Variants in C5orf63 observed in about 807,000 individuals in gnomAD.
C5orf63 encodes glutaredoxin-like protein C5orf63.
Under a neutral mutation model 13.3 loss-of-function variants are expected in C5orf63, and 18 were observed. That is an observed-to-expected ratio of 1.36 (90% CI 0.94 to 2.01). The LOEUF is 2.01. C5orf63 is among the 30% of genes most tolerant of loss of function. C5orf63 has a pLI of 0.00. For missense variants in C5orf63, 118 were observed against 127.7 expected (o/e 0.92, Z 0.36); for synonymous variants, 38 against 44.7 (o/e 0.85, Z 0.60).
chr5:127,063,510 C>T (rs1754187538), intron 2 of C5orf63, among the ~76,000 whole-genome samples: 1 of 152,124 alleles, frequency 6.6e-6, no homozygotes, highest in African/African-American at 2.4e-5. Context: ...GAGAAACTGC[C>T]CTTCACCGAC....
chr5:127,043,747 T>C (rs988016818), downstream of C5orf63: 2 of 152,226 alleles, frequency 1.3e-5, no homozygotes, highest in Admixed American at 1.3e-4. Flanking sequence ...ATTTTCTCTT[T>C]GTAGCATTAA....
chr5:127,059,767 T>C (rs1192281346), intron 2 of C5orf63, among the ~76,000 whole-genome samples: 2 of 149,166 alleles, frequency 1.3e-5, no homozygotes, highest in Non-Finnish European at 1.5e-5. Context: ...AAACAATGGG[T>C]AAGCAGCTAA....
In C5orf63 at chr5:127,064,216, A is replaced by G. The variant is rs554076941; in HGVS notation, c.-7-5214T>C. Among the ~76,000 whole-genome samples the G allele has an allele frequency of 2.0e-5, 3 of 152,312 alleles. No individual in the cohort carries two copies. The East Asian group carries it at 5.8e-4, about 29-fold the overall frequency. ...GGGACAAAACCAAAACTGAAAATTG[A>G]GTAAATACTTTGATATGTCAATTCC... On this transcript the variant is annotated intron_variant, in intron 2 of 4. Transcript: ENST00000296662.
At chr5:127,065,925 G>A (rs534838655) in intron 2 of C5orf63, among the ~76,000 whole-genome samples, 1 of 152,112 alleles carries the variant, frequency 6.6e-6, no homozygotes, top group Admixed American at 6.5e-5. Flanking sequence ...GCCTTCATGG[G>A]GTCCATGTGC....
In C5orf63 at chr5:127,070,645, C is replaced by G. The variant is rs149493197; in HGVS notation, c.-8+939G>C. Among the ~76,000 whole-genome samples the G allele has an allele frequency of 2.6e-5, 4 of 152,266 alleles. No homozygotes were observed. The East Asian group carries it at 7.7e-4, about 29-fold the overall frequency. ...TTAAGATAGTGACTCTACAGAGGTC[C>G]TCTATCCTTAAGGCAAGACCAAACC... On this transcript the variant is annotated intron_variant, in intron 2 of 4. Transcript: ENST00000296662.
downstream of C5orf63, chr5:127,051,182 C>A (rs1753659896): frequency 1.8e-6 from 1 of 549,458 alleles, no homozygotes; most frequent in African/African-American, 2.0e-5. Context: ...TTAAGTTTTT[C>A]TTTTGTTTTT....
rs557864578 is a variant in C5orf63 at position 127,052,485 on chromosome 5, A to G, written c.171+128T>C. 267 of 648,312 alleles carry G rather than the reference A, an allele frequency of 4.1e-4. 1 individual carries two copies. Among genetic ancestry groups the G allele is most frequent in the Middle Eastern group, 1.3e-3 (5 of 3,762 alleles). The allele number at this position is 648,312 out of a possible 1,614,324, so 40.2% of individuals were successfully genotyped here. On this transcript the variant is annotated intron_variant, in intron 4 of 4. Transcript: ENST00000296662. ...AATAAGCACTAAACTCTCTCTCTGA[A>G]GAACAGAAAGAAAATTTAAAAGAAA...
At chr5:127,055,701 G>C (rs2126886190) in intron 3 of C5orf63, among the ~76,000 whole-genome samples, 1 of 152,198 alleles carries the variant, frequency 6.6e-6, no homozygotes, top group East Asian at 1.9e-4. Context: ...TTCAGAGAAA[G>C]TTTCAAAAAC....
intron 3 of C5orf63, chr5:127,056,311 T>C (rs1753883781): frequency 6.6e-6 from 1 of 152,418 alleles, no homozygotes; most frequent in Non-Finnish European, 1.5e-5. Context: ...CAGTCATCCA[T>C]GATGAATTAG....
intron 2 of C5orf63, among the ~76,000 whole-genome samples, chr5:127,069,108 T>C (rs1047600692): frequency 6.6e-6 from 1 of 152,172 alleles, no homozygotes; most frequent in African/African-American, 2.4e-5. Flanking sequence ...ACCTGAATAA[T>C]GTGGTTGGGT....
intron 3 of C5orf63, 179 bp downstream of exon 3, chr5:127,058,703 C>A: frequency 1.8e-6 from 1 of 567,380 alleles, no homozygotes; most frequent in South Asian, 2.4e-5. Flanking sequence ...TTACTCTTTG[C>A]TAATTGGGAG....
chr5:127,051,676 C>CAAAA lies in C5orf63; in HGVS notation c.*94_*95insTTTT. The CAAAA allele has an allele frequency of 2.2e-6, 3 of 1,375,878 alleles. No homozygotes were observed. The highest frequency in any genetic ancestry group is 1.9e-6 in the Non-Finnish European group (2 of 1,067,950). The allele number at this position is 1,375,878 out of a possible 1,614,324, so 85.2% of individuals were successfully genotyped here. Reference sequence around the variant, plus strand: ...CACTGAATTCAGAACATCCTTAGGGCTCTGTACAAGTGACAAAATGAGTAT... The same window carrying CAAAA: ...CACTGAATTCAGAACATCCTTAGGGCAAAATCTGTACAAGTGACAAAATGAGTAT... On this transcript the variant is annotated 3_prime_UTR_variant, in exon 5 of 5. Coordinates refer to ENST00000296662, the MANE Select transcript of C5orf63 (RefSeq NM_001164478.2).
intron 2 of C5orf63, among the ~76,000 whole-genome samples, chr5:127,059,276 T>C (rs1411639854): frequency 2.0e-5 from 3 of 152,218 alleles, no homozygotes; most frequent in Non-Finnish European, 1.5e-5. Context: ...GTAAACTGCA[T>C]GGGTTTGTTA....
chr5:127,055,587 C>T (rs900625982), intron 3 of C5orf63, among the ~76,000 whole-genome samples: 2 of 152,116 alleles, frequency 1.3e-5, no homozygotes, highest in African/African-American at 4.8e-5. Flanking sequence ...CTTTCTGGCC[C>T]TAATTTCCTA....
intron 3 of C5orf63, among the ~76,000 whole-genome samples, 166 bp from the exon 4 acceptor site, chr5:127,052,835 A>G (rs1164826864): frequency 2.0e-5 from 3 of 152,254 alleles, no homozygotes; most frequent in African/African-American, 7.2e-5. Context: ...ACACTACCAT[A>G]GAATCTTATA....
chr5:127,070,998 G>A (rs950523830), intron 2 of C5orf63, among the ~76,000 whole-genome samples: 1 of 152,160 alleles, frequency 6.6e-6, no homozygotes, highest in Non-Finnish European at 1.5e-5. Flanking sequence ...ATTCTTTTCA[G>A]TATCTTGTTA....
chr5:127,055,539 C>T (rs887928877), intron 3 of C5orf63, among the ~76,000 whole-genome samples: 1 of 152,144 alleles, frequency 6.6e-6, no homozygotes, highest in African/African-American at 2.4e-5. Context: ...GCTTAACTCA[C>T]AGCTTGTTTT....
At chr5:127,070,707 A>C (rs751932284) in intron 2 of C5orf63, among the ~76,000 whole-genome samples, 1 of 152,234 alleles carries the variant, frequency 6.6e-6, no homozygotes, top group Non-Finnish European at 1.5e-5. Context: ...ATAATTTGGC[A>C]CACTTTCAAA....
At chr5:127,068,971 A>C (rs1400716920) in intron 2 of C5orf63, among the ~76,000 whole-genome samples, 1 of 152,028 alleles carries the variant, frequency 6.6e-6, no homozygotes, top group African/African-American at 2.4e-5. Flanking sequence ...TCCATCCTCA[A>C]CTCCAAAGAT....
Sources: allele counts gnomAD v4.1 joint callset (sites outside exome capture counted in the v4.1 genomes callset), GRCh38; gene constraint gnomAD v4.1.1; transcripts MANE v1.5; gene names NCBI Gene and HGNC (gene_info 2026-07-23, HGNC 2026-07-21).